Variants in ZPBP observed in about 807,000 individuals in gnomAD.
ZPBP encodes zona pellucida-binding protein 1.
Under a neutral mutation model 44.8 loss-of-function variants are expected in ZPBP, and 26 were observed. The ratio of observed to expected loss-of-function variants is 0.58; its 90% CI spans 0.43 to 0.81. The LOEUF (loss-of-function observed/expected upper bound fraction) is 0.81. ZPBP is among the 30% of genes least tolerant of loss of function. The pLI is 0.00. For synonymous variants in ZPBP, 174 were observed against 153.2 expected, an observed-to-expected ratio of 1.14 and a Z score of -1.00; for missense variants, 409 against 434.0, an observed-to-expected ratio of 0.94 and a Z score of 0.51.
At chr7:49,992,709 G>A (rs991218993) in intron 6 of ZPBP, among the ~76,000 whole-genome samples, 3 of 152,020 alleles carry the variant, frequency 2.0e-5, no homozygotes, top group Non-Finnish European at 2.9e-5. Flanking sequence ...CAAGTGTACC[G>A]CTGAACAGAA....
chr7:50,010,915 A>C (rs1296184557), intron 6 of ZPBP, among the ~76,000 whole-genome samples: 1 of 84,804 alleles, frequency 1.2e-5, no homozygotes, highest in Non-Finnish European at 3.7e-5. Flanking sequence ...AAGCAAAAAA[A>C]AAAAAAAAAA....
intron 4 of ZPBP, among the ~76,000 whole-genome samples, chr7:50,050,808 A>AC (rs1800655451): frequency 6.7e-6 from 1 of 150,156 alleles, no homozygotes; most frequent in African/African-American, 2.4e-5. Flanking sequence ...AAAAAAAAAA[A>AC]AAAAAACCTA....
In ZPBP at chr7:50,001,529, A is replaced by T. The variant is rs554463315; in HGVS notation, c.783+16711T>A. 8.5e-5 allele frequency among the ~76,000 whole-genome samples: 13 copies of T among 152,326 alleles called. No homozygotes were observed. In the South Asian group the frequency reaches 2.5e-3, roughly 29 times the overall value. ...TAATGCGAGGAACATAAAATTACTG[A>T]GAACTTCTGCCTCTGGCCAAGAATG... On this transcript the variant is annotated intron_variant, in intron 6 of 7. Coordinates refer to ENST00000046087, the MANE Select transcript of ZPBP (RefSeq NM_007009.3).
At chr7:49,988,963 G>A (rs933209884) in intron 6 of ZPBP, among the ~76,000 whole-genome samples, 5 of 152,142 alleles carry the variant, frequency 3.3e-5, no homozygotes, top group Admixed American at 6.5e-5. Flanking sequence ...TAATAATTGA[G>A]TAAGTTATAC....
chr7:49,869,542 T>A (rs1791049084), intron 2 of ZPBP, among the ~76,000 whole-genome samples: 1 of 152,268 alleles, frequency 6.6e-6, no homozygotes, highest in African/African-American at 2.4e-5. Context: ...ATATGTTTTA[T>A]ATTTTTATAC....
chr7:50,017,708 G>A (rs1366620512), intron 6 of ZPBP, among the ~76,000 whole-genome samples: 1 of 151,926 alleles, frequency 6.6e-6, no homozygotes. Context: ...TGTGTTTATG[G>A]TCAGTAAATT....
chr7:49,960,759 A>T (rs909630146), intron 7 of ZPBP, among the ~76,000 whole-genome samples: 3 of 152,168 alleles, frequency 2.0e-5, no homozygotes, highest in African/African-American at 7.2e-5. Context: ...ATATCTTTTA[A>T]TCAGGAAAAT....
intron 4 of ZPBP, among the ~76,000 whole-genome samples, chr7:50,038,400 C>T (rs761806532): frequency 6.6e-6 from 1 of 152,194 alleles, no homozygotes; most frequent in Non-Finnish European, 1.5e-5. Flanking sequence ...CTAGGAGAAG[C>T]AATACTGGGA....
At chr7:49,864,742 T>C (rs1324689298) in intron 2 of ZPBP, among the ~76,000 whole-genome samples, 1 of 152,148 alleles carries the variant, frequency 6.6e-6, no homozygotes, top group African/African-American at 2.4e-5. Context: ...TTATGAATGC[T>C]GTCTGCTCCC....
chr7:49,983,209 TAC>T (rs1797106721), intron 7 of ZPBP, 131 bp downstream of exon 7: 1 of 837,280 alleles, frequency 1.2e-6, no homozygotes, highest in Non-Finnish European at 1.8e-6. Context: ...ACTTTTCAAA[TAC>T]ACTACTTTAA....
chr7:49,906,373 C>T (rs1198015655), intron 1 of ZPBP, among the ~76,000 whole-genome samples: 3 of 152,004 alleles, frequency 2.0e-5, no homozygotes, highest in Non-Finnish European at 4.4e-5. Context: ...CTTGCTCTGT[C>T]GCCCAGGCTG....
At chr7:50,058,185 G>T in intron 3 of ZPBP, 44 bp from the exon 4 acceptor site, 4 of 1,598,364 alleles carry the variant, frequency 2.5e-6, no homozygotes, top group South Asian at 2.2e-5. Flanking sequence ...AATTACATGA[G>T]ACAAGTACCA....
intron 6 of ZPBP, among the ~76,000 whole-genome samples, chr7:50,016,201 A>C (rs1476479079): frequency 1.3e-5 from 2 of 152,224 alleles, no homozygotes. Flanking sequence ...AAAATGTGGT[A>C]CCTATACACC....
intron 7 of ZPBP, among the ~76,000 whole-genome samples, chr7:49,972,296 A>C (rs1796331235): frequency 6.6e-6 from 1 of 151,832 alleles, no homozygotes; most frequent in South Asian, 2.1e-4. Context: ...AAGGAAGCAA[A>C]ATTATCTGTT....
chr7:49,938,098 C>G (rs1046746003), intron 7 of ZPBP, among the ~76,000 whole-genome samples: 2 of 152,124 alleles, frequency 1.3e-5, no homozygotes, highest in Non-Finnish European at 2.9e-5. Context: ...GGACATAGAC[C>G]AGTACTGTTC....
chr7:50,072,886 C>G (rs938621482), intron 3 of ZPBP, among the ~76,000 whole-genome samples: 35 of 152,246 alleles, frequency 2.3e-4, no homozygotes, highest in African/African-American at 8.2e-4. Flanking sequence ...ACAGATACAA[C>G]TTAGATCACA....
intron 2 of ZPBP, among the ~76,000 whole-genome samples, chr7:49,900,678 A>G (rs964190584): frequency 3.3e-5 from 5 of 151,836 alleles, no homozygotes; most frequent in Non-Finnish European, 7.4e-5. Context: ...TCCTTCCAAA[A>G]CAGGAAGCAC....
chr7:49,908,630 G>A (rs1295328376), intron 1 of ZPBP, among the ~76,000 whole-genome samples: 1 of 151,894 alleles, frequency 6.6e-6, no homozygotes, highest in Non-Finnish European at 1.5e-5. Context: ...ACCCCAGTCA[G>A]TATACTACAC....
At chr7:49,920,957 A>G (rs1793992110) in intron 1 of ZPBP, 1 of 152,178 alleles carries the variant, frequency 6.6e-6, no homozygotes, top group African/African-American at 2.4e-5. Flanking sequence ...GTTTCTATAG[A>G]CTGAGAATAA....
Sources: gnomAD v4.1 joint callset for allele counts (sites outside exome capture counted in the v4.1 genomes callset) on GRCh38, gnomAD v4.1.1 for gene constraint, MANE v1.5 for transcripts, NCBI Gene and HGNC (gene_info 2026-07-23, HGNC 2026-07-21) for gene names.